Variants in LPCAT1 observed in about 807,000 individuals in gnomAD.
LPCAT1 encodes the protein 1-acylglycerol-3-phosphate O-acyltransferase.
In LPCAT1, 23 loss-of-function variants were observed where a neutral mutation model predicts 60.9. The observed-to-expected ratio is 0.38, with a 90% confidence interval of 0.27 to 0.53. The LOEUF (loss-of-function observed/expected upper bound fraction) is 0.53. Among genes scored for constraint, LPCAT1 ranks in the 20% least tolerant of loss-of-function variants. The pLI is 0.82. For synonymous variants in LPCAT1, 340 were observed against 301.1 expected (o/e 1.13, Z -1.34); for missense variants, 622 against 723.6 (o/e 0.86, Z 1.61).
At position 1,494,833 on chromosome 5, in the gene LPCAT1, C is replaced by T. The variant is rs1735722357; in HGVS notation, c.360G>A (p.Arg120=). Residue 120 remains arginine (R), a synonymous_variant, in exon 3 of 14, where the codon CGG becomes CGA. Transcript: ENST00000283415. ...GGFHRVAVKG[R]QALPTEAAIL... ...TGGCCGCCTCGGTGGGCAGCGCCTG[C>T]CGCCCCTTCACGGCCACCCGGTGGA... is the stretch of plus-strand genomic sequence containing the variant. The T allele has an allele frequency of 6.2e-7, 1 of 1,613,548 alleles. No homozygotes were observed. Among genetic ancestry groups the T allele is most frequent in the Admixed American group, 1.7e-5 (1 of 59,984 alleles).
chr5:1,474,530 A>G, intron 10 of LPCAT1, 30 bp downstream of exon 10: 1 of 1,612,108 alleles, frequency 6.2e-7, no homozygotes, highest in Non-Finnish European at 8.5e-7. Context: ...GTTCTAGCTA[A>G]TGCTCAAGGA....
At chr5:1,520,643 A>C (rs185886304) in intron 1 of LPCAT1, among the ~76,000 whole-genome samples, 1,803 of 152,090 alleles carry the variant, frequency 0.012, 45 homozygotes, top group African/African-American at 0.041. Flanking sequence ...GGAGGATCAC[A>C]AGGTCAGGAG....
intron 12 of LPCAT1, among the ~76,000 whole-genome samples, chr5:1,467,670 CT>C (rs1734480502): frequency 6.6e-6 from 1 of 151,918 alleles, no homozygotes; most frequent in African/African-American, 2.4e-5. Flanking sequence ...CTTGGAAACA[CT>C]TCGGCTCCCT....
At chr5:1,507,312 G>A (rs1345220064) in intron 1 of LPCAT1, among the ~76,000 whole-genome samples, 1 of 152,226 alleles carries the variant, frequency 6.6e-6, no homozygotes, top group Non-Finnish European at 1.5e-5. Flanking sequence ...CCAGTTGGAG[G>A]AAGCAATATG....
chr5:1,504,702 G>A (rs1421417975), intron 1 of LPCAT1, among the ~76,000 whole-genome samples: 6 of 121,798 alleles, frequency 4.9e-5, no homozygotes, highest in Non-Finnish European at 6.3e-5. Context: ...CAACAAGAGC[G>A]AATCTCCGTC....
intron 3 of LPCAT1, among the ~76,000 whole-genome samples, chr5:1,490,241 CCT>C (rs1183388222): frequency 2.6e-5 from 4 of 152,322 alleles, no homozygotes; most frequent in African/African-American, 9.6e-5. Flanking sequence ...CCGCCTTCCC[CCT>C]GTGGGTTGAA....
chr5:1,484,104 T>C (rs1735280376), intron 5 of LPCAT1, among the ~76,000 whole-genome samples: 2 of 152,236 alleles, frequency 1.3e-5, no homozygotes, highest in Non-Finnish European at 2.9e-5. Context: ...ACGGGCGGAT[T>C]TGGTCACAGC....
intron 3 of LPCAT1, among the ~76,000 whole-genome samples, chr5:1,491,502 G>A (rs367731701): frequency 1.3e-4 from 19 of 151,684 alleles, no homozygotes; most frequent in African/African-American, 4.6e-4. Context: ...AAATGTGGGG[G>A]GTGCAGGGGG....
chr5:1,467,567 G>A (rs943390959), intron 12 of LPCAT1, among the ~76,000 whole-genome samples: 40 of 152,080 alleles, frequency 2.6e-4, no homozygotes, highest in Non-Finnish European at 1.0e-4. Flanking sequence ...ACAACTCCAC[G>A]GCGCTCCCCT....
chr5:1,479,501 T>C (rs1054945214), intron 8 of LPCAT1, 120 bp downstream of exon 8: 1 of 760,770 alleles, frequency 1.3e-6, no homozygotes, highest in African/African-American at 1.7e-5. Context: ...AACGGAAAGA[T>C]GGGAAAGCAA....
chr5:1,474,774 A>G, intron 9 of LPCAT1, 89 bp from the exon 10 acceptor site: 1 of 1,502,534 alleles, frequency 6.7e-7, no homozygotes. Flanking sequence ...GGCTCAGGGG[A>G]GAGGAGGGCT....
chr5:1,473,065 C>A (rs1301505928), intron 11 of LPCAT1, among the ~76,000 whole-genome samples: 1 of 152,136 alleles, frequency 6.6e-6, no homozygotes, highest in Non-Finnish European at 1.5e-5. Context: ...GCTCCTCCTG[C>A]TCTCTGGCCA....
Position 1,474,047 on chromosome 5 carries a change from T to A in LPCAT1, c.1089A>T (p.Gly363=). The change falls in exon 11 of 14, where the codon GGA becomes GGT. Residue 363 remains glycine, a synonymous_variant. Transcript: ENST00000283415. ...ACTCCGCAATACCTATCTTCTCTCC[T>A]CCCTTCATCCTGGCTCTTTCTGAGT... is the stretch of plus-strand genomic sequence containing the variant. ...DRYSERARMK[G]GEKIGIAEFA... 1 of 1,614,214 alleles carries A rather than the reference T, an allele frequency of 6.2e-7. No individual in the cohort carries two copies. Among genetic ancestry groups the A allele is most frequent in the South Asian group, 1.1e-5 (1 of 91,090 alleles).
intron 2 of LPCAT1, among the ~76,000 whole-genome samples, chr5:1,500,828 C>A (rs138492309): frequency 5.3e-5 from 8 of 152,346 alleles, no homozygotes; most frequent in African/African-American, 1.9e-4. Context: ...CCCGAGCAGC[C>A]GTTCCCCTCA....
intron 2 of LPCAT1, 35 bp downstream of exon 2, chr5:1,501,426 C>G (rs371670880): frequency 1.6e-4 from 248 of 1,580,202 alleles, no homozygotes; most frequent in Non-Finnish European, 2.1e-4. Context: ...CGTGACCCCC[C>G]CCCAGGAGGA....
rs997213944 is a variant in LPCAT1 at position 1,474,409 on chromosome 5, A to G, written c.1025+151T>C. Reference sequence around the variant, plus strand: ...TGCCAGCATTAAGGGATTGAAAGACACTATGTGGGCTTAAGTTGATATTTG... The same window carrying G: ...TGCCAGCATTAAGGGATTGAAAGACGCTATGTGGGCTTAAGTTGATATTTG... On this transcript the variant is annotated intron_variant, in intron 10 of 13. Coordinates refer to ENST00000283415, the MANE Select transcript of LPCAT1 (RefSeq NM_024830.5). 43 of 1,159,430 alleles carry G rather than the reference A, an allele frequency of 3.7e-5. No homozygotes were observed. In the South Asian group the frequency reaches 5.6e-4, roughly 15 times the overall value. 71.8% of individuals were successfully genotyped at this position (1,159,430 alleles called of 1,614,324 possible). A position where few individuals can be genotyped will look rare whatever the true frequency, so the allele number is the denominator to read the frequency against.
At chr5:1,519,021 C>G (rs536605233) in intron 1 of LPCAT1, among the ~76,000 whole-genome samples, 1 of 152,230 alleles carries the variant, frequency 6.6e-6, no homozygotes, top group Non-Finnish European at 1.5e-5. Flanking sequence ...CTCACGCCAG[C>G]CTGGCGTCCT....
rs1392601277 is a variant in LPCAT1 at position 1,523,537 on chromosome 5, G to A, written c.135+173C>T. Among the ~76,000 whole-genome samples the A allele has an allele frequency of 1.3e-5, 2 of 150,696 alleles. No individual in the cohort carries two copies. Among genetic ancestry groups the A allele is most frequent in the African/African-American group, 4.9e-5 (2 of 41,208 alleles). ...GCGCCGAGACCGAGGCATCGGGTGC[G>A]GGCGGCGGGGACGCGAACTGAGGGG... On this transcript the variant is annotated intron_variant, in intron 1 of 13. Coordinates refer to ENST00000283415, the MANE Select transcript of LPCAT1 (RefSeq NM_024830.5). This position sits in a 1 kb window ranked among gnomAD's most constrained non-coding sequence, Gnocchi z 7.1.
intron 13 of LPCAT1, among the ~76,000 whole-genome samples, chr5:1,466,334 G>C (rs1734402573): frequency 6.6e-6 from 1 of 152,146 alleles, no homozygotes; most frequent in African/African-American, 2.4e-5. Context: ...TGCAGCGCCC[G>C]CCTCCTCGTC....
Sources: gnomAD v4.1 joint callset for allele counts (sites outside exome capture counted in the v4.1 genomes callset) on GRCh38, gnomAD v4.1.1 for gene constraint, Gnocchi (gnomAD v3.1) non-coding constraint, MANE v1.5 for transcripts, NCBI Gene and HGNC (gene_info 2026-07-23, HGNC 2026-07-21) for gene names.